Variants in DCT observed in about 807,000 individuals in gnomAD.
The protein encoded by DCT is L-dopachrome tautomerase.
Under a neutral mutation model 53.0 loss-of-function variants are expected in DCT, and 47 were observed. That is an observed-to-expected ratio of 0.89 (90% CI 0.70 to 1.13). The LOEUF (loss-of-function observed/expected upper bound fraction) is 1.13. Among genes scored for constraint, DCT ranks in the 50% most tolerant of loss-of-function variants. The pLI, the probability that DCT is intolerant of heterozygous loss-of-function variation, is 0.00. For missense variants in DCT, 669 were observed against 637.4 expected, an observed-to-expected ratio of 1.05 and a Z score of -0.53; for synonymous variants, 244 against 237.0, an observed-to-expected ratio of 1.03 and a Z score of -0.27.
chr13:94,466,825 G>A, intron 2 of DCT, 167 bp from the exon 3 acceptor site: 1 of 402,602 alleles, frequency 2.5e-6, no homozygotes, highest in Non-Finnish European at 4.5e-6. Context: ...GTAATGACAT[G>A]AATTTCAGAA....
upstream of DCT, among the ~76,000 whole-genome samples, chr13:94,480,421 C>G (rs1320663857): frequency 1.3e-5 from 2 of 152,182 alleles, no homozygotes; most frequent in East Asian, 3.8e-4. Context: ...TATTTTTTCA[C>G]AGTGGAAACA....
At chr13:94,445,655 G>T in intron 6 of DCT, 2 of 1,052,044 alleles carry the variant, frequency 1.9e-6, no homozygotes, top group Non-Finnish European at 2.9e-6. Context: ...AATCTGTTAT[G>T]CAGAAATGGA....
rs1881996045 is a variant in DCT at position 94,437,820 on chromosome 13, G to A, written c.*2078C>T. 6.6e-6 allele frequency: 1 copy of A among 152,072 alleles called. No individual in the cohort carries two copies. Among genetic ancestry groups the A allele is most frequent in the African/African-American group, 2.4e-5 (1 of 41,420 alleles). The allele number at this position is 152,072 out of a possible 1,614,324, so 9.4% of individuals were successfully genotyped here. ...TCTCTTATATGAACTACAAAATTAG[G>A]AAATTCTCTCAGGAAGACATTATAA... On this transcript the variant is annotated 3_prime_UTR_variant, in exon 8 of 8. Transcript: ENST00000377028.
the DCT span, among the ~76,000 whole-genome samples, chr13:94,485,928 C>A: frequency 6.6e-6 from 1 of 152,136 alleles, no homozygotes; most frequent in Admixed American, 6.5e-5. Flanking sequence ...CTACGCGTTG[C>A]TCGATTGCAT....
Position 94,479,076 on chromosome 13 carries a change from C to T in DCT, c.180G>A (p.Gln60=). The change falls in exon 1 of 8, where the codon CAG becomes CAA. Residue 60 remains glutamine, a synonymous_variant. Transcript: ENST00000377028. ...TTGTGTCGGCTCGCACCTCTGTGCA[C>T]TGCCCCCGGCCTTGCTGAGAGCCAC... ...NVCGSQQGRG[Q]CTEVRADTRP... The T allele has an allele frequency of 6.2e-7, 1 of 1,614,254 alleles. No homozygotes were observed. The highest frequency in any genetic ancestry group is 8.5e-7 in the Non-Finnish European group (1 of 1,180,042).
rs374075015 is a variant in DCT, at chr13:94,460,206, T to C, written c.1064A>G (p.Asp355Gly). 1.5e-5 allele frequency: 25 copies of C among 1,613,762 alleles called. No homozygotes were observed. The highest frequency in any genetic ancestry group is 2.0e-5 in the Non-Finnish European group (24 of 1,179,776). The change falls in exon 6 of 8, where the codon GAT (aspartate) becomes GGT (glycine). Residue 355 changes from aspartate to glycine, a missense_variant. Asp to Gly is a moderately conservative substitution (Grantham distance 94). Transcript: ENST00000377028. ...FSFRNALEGF[D>G]KADGTLDSQV... is the part of the protein sequence containing the mutation. Reference sequence around the variant, plus strand: ...AGAATCCAGAGTCCCATCTGCTTTATCAAACCCTTCCAAAGCATTCCTAGG... The same window carrying C: ...AGAATCCAGAGTCCCATCTGCTTTACCAAACCCTTCCAAAGCATTCCTAGG...
the DCT span, among the ~76,000 whole-genome samples, chr13:94,490,019 A>G: frequency 2.6e-5 from 4 of 152,320 alleles, no homozygotes; most frequent in Admixed American, 2.0e-4. Flanking sequence ...ATTATGACAA[A>G]TATAGGTGGA....
chr13:94,454,902 C>A (rs990486471), intron 6 of DCT, among the ~76,000 whole-genome samples: 1 of 152,066 alleles, frequency 6.6e-6, no homozygotes, highest in Non-Finnish European at 1.5e-5. Flanking sequence ...AACGCTGTGG[C>A]TTTTTGTTTA....
At position 94,479,138 on chromosome 13, in the gene DCT, A is replaced by T. The variant is rs370729240; in HGVS notation, c.118T>A (p.Cys40Ser). The change falls in exon 1 of 8, where the codon TGC becomes AGC. Residue 40 changes from cysteine to serine, a missense_variant. By Grantham distance (112) the Cys-to-Ser change is moderately radical (BLOSUM62 -1). Transcript: ENST00000377028. ...GACTCTGCACCCAGGCGTGGGCAGCACTCCTTGTTCACTAGGCTGTCCACC... is the reference window on the plus strand; with the variant it reads ...GACTCTGCACCCAGGCGTGGGCAGCTCTCCTTGTTCACTAGGCTGTCCACC... ...MTVDSLVNKE[C>S]CPRLGAESAN... 3.1e-5 allele frequency: 50 copies of T among 1,613,728 alleles called. No homozygotes were observed. The highest frequency in any genetic ancestry group is 4.2e-5 in the Non-Finnish European group (49 of 1,179,968).
chr13:94,547,982 A>ATATATATATATATATATAT, the DCT span, among the ~76,000 whole-genome samples: 2 of 84,840 alleles, frequency 2.4e-5, no homozygotes, highest in African/African-American at 1.7e-4. Flanking sequence ...AAAAAAAAAA[A>ATATATATATATATATATAT]AAATATATAT....
chr13:94,446,943 C>A (rs1882774162), intron 6 of DCT, among the ~76,000 whole-genome samples: 1 of 152,116 alleles, frequency 6.6e-6, no homozygotes, highest in Admixed American at 6.6e-5. Flanking sequence ...ACTATATCTG[C>A]AGCTATCCTA....
At chr13:94,458,596 G>A (rs933939083) in intron 6 of DCT, among the ~76,000 whole-genome samples, 2 of 152,086 alleles carry the variant, frequency 1.3e-5, no homozygotes, top group African/African-American at 4.8e-5. Flanking sequence ...GAGGTCAGGT[G>A]TTTGAGACCA....
the DCT span, among the ~76,000 whole-genome samples, chr13:94,524,152 G>A: frequency 6.6e-6 from 1 of 152,034 alleles, no homozygotes; most frequent in Non-Finnish European, 1.5e-5. Context: ...TATGACCGGG[G>A]TGTAGAAGGC....
At chr13:94,540,901 T>C in the DCT span, among the ~76,000 whole-genome samples, 4 of 152,204 alleles carry the variant, frequency 2.6e-5, 1 homozygote, top group African/African-American at 9.6e-5. Flanking sequence ...TCAATCTAAG[T>C]GTCCATCAAC....
chr13:94,487,722 C>T, the DCT span, among the ~76,000 whole-genome samples: 1 of 152,136 alleles, frequency 6.6e-6, no homozygotes, highest in Non-Finnish European at 1.5e-5. Context: ...CGTTTTTTAG[C>T]CCCCTGCTCA....
intron 4 of DCT, 61 bp downstream of exon 4, chr13:94,465,572 C>T (rs945768555): frequency 1.3e-6 from 2 of 1,487,728 alleles, no homozygotes; most frequent in African/African-American, 2.8e-5. Flanking sequence ...ACTTCTCCTC[C>T]ATGTCTCAGA....
chr13:94,538,502 C>A, the DCT span, among the ~76,000 whole-genome samples: 1 of 152,140 alleles, frequency 6.6e-6, no homozygotes, highest in Non-Finnish European at 1.5e-5. Flanking sequence ...TTCTCCCCTG[C>A]CTCCTTTTAT....
At chr13:94,493,589 G>A in the DCT span, among the ~76,000 whole-genome samples, 1 of 152,148 alleles carries the variant, frequency 6.6e-6, no homozygotes, top group Non-Finnish European at 1.5e-5. Flanking sequence ...TCAAGTTATG[G>A]TGACATGCAC....
the DCT span, among the ~76,000 whole-genome samples, chr13:94,545,705 T>C: frequency 6.6e-6 from 1 of 152,136 alleles, no homozygotes; most frequent in Non-Finnish European, 1.5e-5. Context: ...TCCCTCGCTA[T>C]AGCAAGCTCT....
Sources: allele counts gnomAD v4.1 joint callset (sites outside exome capture counted in the v4.1 genomes callset), GRCh38; gene constraint gnomAD v4.1.1; transcripts MANE v1.5; gene names NCBI Gene and HGNC (gene_info 2026-07-23, HGNC 2026-07-21).